The following WDFY3 variants were observed in gnomAD, a reference collection of about 807,000 sequenced individuals.
WDFY3 encodes the protein WD repeat and FYVE domain containing 3, also known as WD repeat and FYVE domain-containing protein 3.
In WDFY3, 66 loss-of-function variants were observed where a neutral mutation model predicts 409.6. The ratio of observed to expected loss-of-function variants is 0.16; its 90% CI spans 0.13 to 0.20. WDFY3 has a LOEUF of 0.20. Ranked by LOEUF, WDFY3 falls within the 10% of genes least tolerant of loss-of-function variation. The probability of loss-of-function intolerance (pLI) is 1.00; values close to 1 mark genes in which losing one functional copy is unlikely to be tolerated. For synonymous variants in WDFY3, 1,521 were observed against 1,537.1 expected (o/e 0.99, Z 0.25); for missense variants, 3,031 against 4,298.1 (o/e 0.71, Z 8.24).
In WDFY3 at chr4:84,783,063, G is replaced by C. The variant is rs772585733; in HGVS notation, c.4074C>G (p.Ser1358=). ...SKAIAKQLGI[S]SHENATPVKL... ...TCACAGGAGTGGCATTCTCATGTGA[G>C]GAAATGCCTAACTGAAAAATAGGAA... The change falls in exon 25 of 68, where the codon TCC becomes TCG. Residue 1358 remains serine (S), a synonymous_variant. Transcript: ENST00000295888. 2 of 1,613,094 alleles carry C rather than the reference G, an allele frequency of 1.2e-6. No individual in the cohort carries two copies. The highest frequency in any genetic ancestry group is 1.7e-6 in the Non-Finnish European group (2 of 1,179,608).
At chr4:84,690,230 T>G (rs1048816103) in intron 61 of WDFY3, among the ~76,000 whole-genome samples, 2 of 152,226 alleles carry the variant, frequency 1.3e-5, no homozygotes, top group African/African-American at 4.8e-5. Context: ...ATTTAGACTT[T>G]TGCATTTATA....
chr4:84,733,693 T>C (rs1339356711), intron 43 of WDFY3, 84 bp from the exon 44 acceptor site: 1 of 1,313,884 alleles, frequency 7.6e-7, no homozygotes, highest in South Asian at 1.4e-5. Context: ...AATCAAGTTA[T>C]TATTTGGAAA....
rs138292353 is a variant in WDFY3 at position 84,756,946 on chromosome 4, G to A, written c.5404C>T (p.Arg1802Trp). 28 of 1,613,732 alleles carry A rather than the reference G, an allele frequency of 1.7e-5. No homozygotes were observed. Among genetic ancestry groups the A allele is most frequent in the African/African-American group, 8.0e-5 (6 of 74,880 alleles). The change falls in exon 33 of 68, where the codon CGG becomes TGG. Residue 1802 changes from arginine to tryptophan, a missense_variant. Physicochemically the swap from Arg to Trp is moderately radical, Grantham distance 101. Transcript: ENST00000295888. The stretch of plus-strand genomic sequence containing the variant: ...CCTACCTGGCAACCCTGCTTACTCC[G>A]GCAGCTGATGACAGGCACACTGACC... ...LQVSVPVISC[R>W]SKQGCQFDLD...
In WDFY3 at chr4:84,672,620, C is replaced by G; in HGVS notation, c.*248G>C. 3.3e-6 allele frequency: 1 copy of G among 305,040 alleles called. No individual in the cohort carries two copies. The highest frequency in any genetic ancestry group is 6.0e-6 in the Non-Finnish European group (1 of 167,584). 18.9% of individuals were successfully genotyped at this position (305,040 alleles called of 1,614,324 possible). A position where few individuals can be genotyped will look rare whatever the true frequency, so the allele number is the denominator to read the frequency against. On this transcript the variant is annotated 3_prime_UTR_variant, in exon 68 of 68. Transcript: ENST00000295888. ...AGACAGCTACTGTCATCAGGGAGAA[C>G]TGGAGGTCGAAAGTGTTGCTCCTAG...
At chr4:84,828,291 T>A (rs202241686) in intron 9 of WDFY3, among the ~76,000 whole-genome samples, 3 of 5,974 alleles carry the variant, frequency 5.0e-4, no homozygotes, top group Non-Finnish European at 5.2e-3. Flanking sequence ...GAAAAGGGGG[T>A]TAAGTAACAC....
chr4:84,862,885 C>T (rs2150228116), intron 3 of WDFY3, among the ~76,000 whole-genome samples: 1 of 152,290 alleles, frequency 6.6e-6, no homozygotes, highest in East Asian at 1.9e-4. Flanking sequence ...CAGCCCCTGG[C>T]ACCCACCATT....
intron 44 of WDFY3, among the ~76,000 whole-genome samples, chr4:84,730,557 T>G (rs1736419947): frequency 6.6e-6 from 1 of 152,154 alleles, no homozygotes; most frequent in Non-Finnish European, 1.5e-5. Context: ...CTAGAAGGGG[T>G]TCCTTAACTA....
At position 84,672,790 on chromosome 4, in the gene WDFY3, T is replaced by C; in HGVS notation, c.*78A>G. 6.3e-7 allele frequency: 1 copy of C among 1,576,456 alleles called. No homozygotes were observed. The highest frequency in any genetic ancestry group is 8.6e-7 in the Non-Finnish European group (1 of 1,163,244). On this transcript the variant is annotated 3_prime_UTR_variant, in exon 68 of 68. Transcript: ENST00000295888. ...AAGAGATGTGTAAACGGAGACTGTT[T>C]TCAATGCCTTCCAAGCTGGGACAGG...
chr4:84,721,326 C>A, intron 47 of WDFY3, 83 bp downstream of exon 47: 1 of 1,539,962 alleles, frequency 6.5e-7, no homozygotes, highest in Admixed American at 1.8e-5. Context: ...CATTTACTTT[C>A]CACAGCTACC....
intron 2 of WDFY3, among the ~76,000 whole-genome samples, chr4:84,919,645 A>C (rs1392468059): frequency 3.3e-5 from 5 of 152,104 alleles, no homozygotes; most frequent in African/African-American, 1.2e-4. Context: ...TAGAGATCTA[A>C]TGGTTTTATA....
At position 84,709,209 on chromosome 4, in the gene WDFY3, A is replaced by G. The variant is rs1347227891; in HGVS notation, c.8097+84T>C. 4 of 1,432,176 alleles carry G rather than the reference A, an allele frequency of 2.8e-6. No homozygotes were observed. The South Asian group carries it at 3.8e-5, about 14-fold the overall frequency. The allele number at this position is 1,432,176 out of a possible 1,614,324, so 88.7% of individuals were successfully genotyped here. ...ACATTTTCTCTATGGTATATATTTT[A>G]TGGATAATTAAAGTGCTTTTAACTG... On this transcript the variant is annotated intron_variant, in intron 52 of 67. Coordinates refer to ENST00000295888, the MANE Select transcript of WDFY3 (RefSeq NM_014991.6).
At chr4:84,695,509 T>TAGAGAGAGAGAGAG (rs869147060) in intron 58 of WDFY3, among the ~76,000 whole-genome samples, 48 of 107,352 alleles carry the variant, frequency 4.5e-4, no homozygotes, top group East Asian at 2.3e-3. Context: ...CAGAGAGAGA[T>TAGAGAGAGAGAGAG]AGAGAGAGAG....
chr4:84,836,878 A>T lies in WDFY3; in HGVS notation c.576+51T>A, dbSNP rs374204054. On this transcript the variant is annotated intron_variant, in intron 7 of 67. Transcript: ENST00000295888. ...TGTAAAACATCTATTTAGGAAGTAT[A>T]CCCACTTCCCTTTAAATAGGGTGGA... The T allele has an allele frequency of 5.6e-5, 75 of 1,347,240 alleles. No individual in the cohort carries two copies. In the African/African-American group the frequency reaches 1.0e-3, roughly 18 times the overall value. The allele number at this position is 1,347,240 out of a possible 1,614,324, so 83.5% of individuals were successfully genotyped here. A position where few individuals can be genotyped will look rare whatever the true frequency, so the allele number is the denominator to read the frequency against.
intron 3 of WDFY3, among the ~76,000 whole-genome samples, chr4:84,869,010 T>C (rs1761816623): frequency 6.6e-6 from 1 of 152,222 alleles, no homozygotes; most frequent in Non-Finnish European, 1.5e-5. Context: ...TGTGACTGCA[T>C]AATACTGACA....
At chr4:84,779,328 C>T (rs955021019) in intron 26 of WDFY3, among the ~76,000 whole-genome samples, 2 of 151,974 alleles carry the variant, frequency 1.3e-5, no homozygotes, top group Admixed American at 6.6e-5. Flanking sequence ...ATTTGTACTT[C>T]GTGTATGATA....
intron 44 of WDFY3, 30 bp downstream of exon 44, chr4:84,733,352 C>T (rs1356712683): frequency 6.3e-7 from 1 of 1,599,758 alleles, no homozygotes; most frequent in East Asian, 2.2e-5. Flanking sequence ...TTGAAAGAGC[C>T]ATTGTGATCA....
chr4:84,803,890 T>G (rs1751074783), intron 15 of WDFY3: 1 of 156,682 alleles, frequency 6.4e-6, no homozygotes, highest in South Asian at 1.9e-4. Context: ...TACCTATATG[T>G]GTTTTAACCT....
chr4:84,720,207 C>G (rs573301093), intron 47 of WDFY3, among the ~76,000 whole-genome samples: 14 of 152,096 alleles, frequency 9.2e-5, no homozygotes, highest in Non-Finnish European at 1.5e-4. Flanking sequence ...GATACTGGAA[C>G]AAGTAATTAT....
Position 84,877,386 on chromosome 4 carries a change from T to C in WDFY3, c.-31-16764A>G, listed in dbSNP as rs190420713. On this transcript the variant is annotated intron_variant, in intron 3 of 67. Transcript: ENST00000295888. Reference sequence around the variant, plus strand: ...TCTCATTCTGTTGCCCAGGCTGGAGTGCAGTTACATGATCAGGGCTCATTG... The same window carrying C: ...TCTCATTCTGTTGCCCAGGCTGGAGCGCAGTTACATGATCAGGGCTCATTG... Among the ~76,000 whole-genome samples, 142 of 152,242 alleles carry C rather than the reference T, an allele frequency of 9.3e-4. 1 individual carries two copies. The highest frequency in any genetic ancestry group is 3.3e-3 in the African/African-American group (137 of 41,524).
Sources: gnomAD v4.1 joint callset for allele counts (sites outside exome capture counted in the v4.1 genomes callset) on GRCh38, gnomAD v4.1.1 for gene constraint, MANE v1.5 for transcripts, NCBI Gene and HGNC (gene_info 2026-07-23, HGNC 2026-07-21) for gene names.